BRD10: variants seen among roughly 807,000 people sequenced by gnomAD.
BRD10 encodes uncharacterized bromodomain-containing protein 10.
chr9:5,953,895 G>A, the BRD10 span: 3 of 671,982 alleles, frequency 4.5e-6, no homozygotes, highest in Non-Finnish European at 7.9e-6. Flanking sequence ...GTCACTGTCA[G>A]AAACATTTCA....
At chr9:5,957,748 T>C in the BRD10 span, among the ~76,000 whole-genome samples, 1 of 152,152 alleles carries the variant, frequency 6.6e-6, no homozygotes, top group Non-Finnish European at 1.5e-5. Context: ...AATTTCAGTA[T>C]AAATTTTCCT....
the BRD10 span, among the ~76,000 whole-genome samples, chr9:5,890,376 A>T: frequency 6.6e-6 from 1 of 152,212 alleles, no homozygotes; most frequent in Admixed American, 6.5e-5. Flanking sequence ...TTGTATTAAG[A>T]AACTGTTCAT....
chr9:5,992,495 A>G, the BRD10 span, among the ~76,000 whole-genome samples: 2 of 149,968 alleles, frequency 1.3e-5, no homozygotes, highest in Non-Finnish European at 3.0e-5. Flanking sequence ...CAAATAATCA[A>G]TGGCCAAATA....
the BRD10 span, among the ~76,000 whole-genome samples, chr9:5,966,240 G>A: frequency 2.6e-5 from 4 of 151,850 alleles, no homozygotes; most frequent in Non-Finnish European, 4.4e-5. Flanking sequence ...CATTTTTCTA[G>A]AACTGGATAC....
the BRD10 span, among the ~76,000 whole-genome samples, chr9:5,987,729 T>C: frequency 6.6e-6 from 1 of 152,358 alleles, no homozygotes; most frequent in Admixed American, 6.5e-5. Context: ...CAATTTGATT[T>C]AGTACTATAA....
chr9:5,930,453 C>T, the BRD10 span, among the ~76,000 whole-genome samples: 1 of 149,042 alleles, frequency 6.7e-6, no homozygotes, highest in Non-Finnish European at 1.5e-5. Flanking sequence ...ACGAACAGTA[C>T]AGTTTTACAA....
chr9:5,977,451 G>C, the BRD10 span, among the ~76,000 whole-genome samples: 1 of 152,288 alleles, frequency 6.6e-6, no homozygotes, highest in Non-Finnish European at 1.5e-5. Context: ...GTAGTAAATA[G>C]GGAATGGGAG....
At chr9:5,963,065 TA>T in the BRD10 span, among the ~76,000 whole-genome samples, 1 of 130,558 alleles carries the variant, frequency 7.7e-6, no homozygotes, top group African/African-American at 2.9e-5. Context: ...CCAGGGCAAT[TA>T]GGCAAGAGAA....
At chr9:6,008,457 T>A in the BRD10 span, among the ~76,000 whole-genome samples, 3 of 151,546 alleles carry the variant, frequency 2.0e-5, no homozygotes, top group East Asian at 2.0e-4. Flanking sequence ...AAAGAGGCCC[T>A]GTCGCCATCC....
the BRD10 span, chr9:5,907,214 T>A: frequency 3.1e-6 from 1 of 320,580 alleles, no homozygotes; most frequent in Non-Finnish European, 5.6e-6. Context: ...ACAGATATTT[T>A]CTTAATTGTG....
chr9:6,001,660 C>T, the BRD10 span, among the ~76,000 whole-genome samples: 3 of 152,172 alleles, frequency 2.0e-5, no homozygotes, highest in Non-Finnish European at 1.5e-5. Flanking sequence ...AATAATTGTT[C>T]AATGAACTAC....
the BRD10 span, among the ~76,000 whole-genome samples, chr9:5,885,065 AT>A: frequency 6.6e-6 from 1 of 151,998 alleles, no homozygotes; most frequent in Non-Finnish European, 1.5e-5. Flanking sequence ...GTGGTCCTCC[AT>A]TTCCTCCACC....
At chr9:5,969,136 A>T in the BRD10 span, 1 of 1,613,880 alleles carries the variant, frequency 6.2e-7, no homozygotes, top group South Asian at 1.1e-5. Flanking sequence ...AGGTCCTATA[A>T]GGCAAAGTAG....
the BRD10 span, among the ~76,000 whole-genome samples, chr9:5,993,192 G>A: frequency 6.6e-6 from 1 of 151,900 alleles, no homozygotes; most frequent in African/African-American, 2.4e-5. Context: ...GCATGCGTCT[G>A]TAGTCCCAGC....
the BRD10 span, chr9:5,920,625 G>C: frequency 1.9e-6 from 3 of 1,613,954 alleles, no homozygotes; most frequent in Non-Finnish European, 8.5e-7. Flanking sequence ...GAAATCCCTG[G>C]TGAATGGAAC....
the BRD10 span, chr9:5,969,387 T>C: frequency 1.9e-6 from 3 of 1,603,578 alleles, no homozygotes; most frequent in East Asian, 2.2e-5. Context: ...CATTCTTCTA[T>C]TTCCTTTTGA....
chr9:5,999,777 T>A, the BRD10 span, among the ~76,000 whole-genome samples: 4 of 152,186 alleles, frequency 2.6e-5, no homozygotes, highest in Non-Finnish European at 5.9e-5. Context: ...CCAATTTAGT[T>A]TATCCACTTG....
chr9:5,881,322 T>A, the BRD10 span, among the ~76,000 whole-genome samples: 1 of 152,154 alleles, frequency 6.6e-6, no homozygotes, highest in African/African-American at 2.4e-5. Flanking sequence ...TCTCAAACGG[T>A]CAGCCCTAAA....
the BRD10 span, chr9:5,897,439 T>G: frequency 1.3e-5 from 12 of 891,052 alleles, no homozygotes; most frequent in South Asian, 1.6e-4. Context: ...ACTTGGACAC[T>G]GGGAGATGCT....
Sources: gnomAD v4.1 joint callset for allele counts (sites outside exome capture counted in the v4.1 genomes callset) on GRCh38, gnomAD v4.1.1 for gene constraint, MANE v1.5 for transcripts, NCBI Gene and HGNC (gene_info 2026-07-23, HGNC 2026-07-21) for gene names.